KMT2E: variants seen among roughly 807,000 people sequenced by gnomAD.
KMT2E encodes the protein lysine methyltransferase 2E (inactive).
In KMT2E, 30 loss-of-function variants were observed where a neutral mutation model predicts 184.6. That is an observed-to-expected ratio of 0.16 (90% confidence interval 0.12 to 0.22). The LOEUF (loss-of-function observed/expected upper bound fraction) is 0.22. Among genes scored for constraint, KMT2E ranks in the 10% least tolerant of loss-of-function variants. KMT2E has a pLI of 1.00. For synonymous variants in KMT2E, 815 were observed against 776.5 expected, an observed-to-expected ratio of 1.05 and a Z score of -0.82; for missense variants, 2,023 against 2,237.4, an observed-to-expected ratio of 0.90 and a Z score of 1.93.
chr7:105,039,259 T>A (rs755347189), intron 2 of KMT2E: 1 of 152,202 alleles, frequency 6.6e-6, no homozygotes, highest in Non-Finnish European at 1.5e-5. Context: ...TACTGAAACA[T>A]CTCAAGTGTG....
intron 1 of KMT2E, among the ~76,000 whole-genome samples, chr7:105,017,927 G>C (rs1794786271): frequency 6.6e-6 from 1 of 152,124 alleles, no homozygotes; most frequent in Non-Finnish European, 1.5e-5. Context: ...TGGCTCGTCT[G>C]ACTTCCTCAC....
Position 105,090,062 on chromosome 7 carries a change from T to C in KMT2E, c.1412T>C (p.Leu471Pro), listed in dbSNP as rs1445043706. The change falls in exon 14 of 27, where the codon CTA becomes CCA. Residue 471 changes from leucine (L) to proline (P), a missense_variant. Leu to Pro is a moderately conservative substitution (Grantham distance 98, BLOSUM62 -3). This residue lies in a region of KMT2E where 514 missense variants were observed against 621.8 expected (regional missense o/e 0.83). Transcript: ENST00000311117. ...CLKENPECPVLKRSSESMENI... is the reference protein window; with the variant it reads ...CLKENPECPVPKRSSESMENI... ...AAAGAAAACCCAGAGTGCCCTGTTC[T>C]AAAACGTAGTTCTGAATCCATGGAA... 6.2e-7 allele frequency: 1 copy of C among 1,613,786 alleles called. No homozygotes were observed. Among genetic ancestry groups the C allele is most frequent in the East Asian group, 2.2e-5 (1 of 44,828 alleles).
chr7:105,054,979 A>T (rs2129566532), intron 3 of KMT2E, among the ~76,000 whole-genome samples: 1 of 152,278 alleles, frequency 6.6e-6, no homozygotes, highest in Admixed American at 6.5e-5. Context: ...CCTATTTGTG[A>T]GTGAGGATGA....
At chr7:105,015,320 G>A (rs752349979) in intron 1 of KMT2E, among the ~76,000 whole-genome samples, 1 of 152,088 alleles carries the variant, frequency 6.6e-6, no homozygotes, top group Non-Finnish European at 1.5e-5. Context: ...AACGGGGTGG[G>A]GGTGAGAAAA....
chr7:105,029,490 A>G (rs1007141337), intron 1 of KMT2E, among the ~76,000 whole-genome samples: 2 of 152,218 alleles, frequency 1.3e-5, no homozygotes, highest in African/African-American at 4.8e-5. Flanking sequence ...CTTTAGAGAC[A>G]AATTACTTAG....
chr7:105,094,121 TA>T (rs1798313497), intron 15 of KMT2E, among the ~76,000 whole-genome samples: 1 of 152,260 alleles, frequency 6.6e-6, no homozygotes, highest in Admixed American at 6.5e-5. Flanking sequence ...CTAGGATTCC[TA>T]AGCAATTAGT....
At chr7:105,066,856 T>C (rs1373311249) in intron 6 of KMT2E, 49 bp downstream of exon 6, 3 of 1,237,310 alleles carry the variant, frequency 2.4e-6, no homozygotes, top group African/African-American at 3.0e-5. Context: ...ACTGAGGTAA[T>C]ACTAGTTAAC....
At chr7:105,026,657 A>G (rs1353698424) in intron 1 of KMT2E, among the ~76,000 whole-genome samples, 2 of 152,208 alleles carry the variant, frequency 1.3e-5, no homozygotes, top group Non-Finnish European at 2.9e-5. Flanking sequence ...CTATACAGTA[A>G]TCTGTCAACC....
chr7:105,061,356 A>G (rs1796806056), intron 3 of KMT2E, among the ~76,000 whole-genome samples: 1 of 152,242 alleles, frequency 6.6e-6, no homozygotes, highest in Non-Finnish European at 1.5e-5. Context: ...GTTTTGTAAA[A>G]TAAAGGCACA....
At position 105,113,265 on chromosome 7, in the gene KMT2E, A is replaced by AT; in HGVS notation, c.5511dup (p.Pro1838SerfsTer31). 6.2e-7 allele frequency: 1 copy of AT among 1,614,208 alleles called. No homozygotes were observed. Among genetic ancestry groups the AT allele is most frequent in the Admixed American group, 1.7e-5 (1 of 60,036 alleles). On this transcript the variant is annotated frameshift_variant, in exon 27 of 27. Transcript: ENST00000311117. LOFTEE classifies it high-confidence loss of function. The stretch of plus-strand genomic sequence containing the variant: ...GCAGGCATCTCCAGTGCCTGGACAG[A>AT]TTCCAATTCACAGAGCACAGGTGCC...
intron 3 of KMT2E, among the ~76,000 whole-genome samples, chr7:105,056,036 G>T (rs183850484): frequency 4.1e-4 from 62 of 152,184 alleles, no homozygotes; most frequent in South Asian, 2.5e-3. Flanking sequence ...GGCAGAGACA[G>T]TGTCTTATCT....
chr7:105,048,192 A>G (rs191563159), intron 3 of KMT2E, among the ~76,000 whole-genome samples: 22 of 152,186 alleles, frequency 1.4e-4, no homozygotes, highest in Admixed American at 1.2e-3. Context: ...ACACACCACC[A>G]CACTTGGCTA....
intron 1 of KMT2E, among the ~76,000 whole-genome samples, chr7:105,037,349 C>G (rs1055336855): frequency 1.3e-5 from 2 of 151,456 alleles, no homozygotes; most frequent in Admixed American, 6.6e-5. Context: ...TAAAGTGTTA[C>G]TTTTTGTTTT....
chr7:105,073,766 T>C, intron 7 of KMT2E, 89 bp downstream of exon 7: 2 of 784,248 alleles, frequency 2.6e-6, no homozygotes, highest in South Asian at 3.2e-5. Context: ...GTAAATATTT[T>C]TAGTTAAATG....
intron 1 of KMT2E, among the ~76,000 whole-genome samples, chr7:105,015,579 C>CT (rs1794682622): frequency 1.3e-5 from 2 of 152,084 alleles, no homozygotes; most frequent in South Asian, 4.1e-4. Flanking sequence ...ACATGAATAC[C>CT]TATTTGGAAA....
intron 15 of KMT2E, among the ~76,000 whole-genome samples, chr7:105,095,346 T>C (rs574291317): frequency 6.6e-6 from 1 of 152,316 alleles, no homozygotes; most frequent in African/African-American, 2.4e-5. Context: ...ACAGGTTAGC[T>C]TATGACAAAG....
chr7:105,023,980 G>T (rs189453817), intron 1 of KMT2E, among the ~76,000 whole-genome samples: 51 of 152,086 alleles, frequency 3.4e-4, no homozygotes, highest in African/African-American at 1.2e-3. Flanking sequence ...GACAAGTAAA[G>T]GAAAAGAAAC....
intron 13 of KMT2E, among the ~76,000 whole-genome samples, chr7:105,083,389 G>C (rs1160631807): frequency 6.6e-6 from 1 of 152,110 alleles, no homozygotes; most frequent in Non-Finnish European, 1.5e-5. Context: ...ATAGGGTTCT[G>C]GGTGGCCAGG....
rs1294673142 is a variant in KMT2E at position 105,113,991 on chromosome 7, CTTTAA to C, written c.*662_*666del. 6.5e-6 allele frequency: 1 copy of C among 152,686 alleles called. No individual in the cohort carries two copies. Among genetic ancestry groups the C allele is most frequent in the Non-Finnish European group, 1.5e-5 (1 of 68,122 alleles). 9.5% of individuals were successfully genotyped at this position (152,686 alleles called of 1,614,324 possible). ...TTGTGAAAGTAGTACAGTATATGACCTTTAATTTCTTTTTTATTTTAAATATACTG... is the reference window on the plus strand; with the variant it reads ...TTGTGAAAGTAGTACAGTATATGACCTTTCTTTTTTATTTTAAATATACTG... On this transcript the variant is annotated 3_prime_UTR_variant, in exon 27 of 27. Coordinates refer to ENST00000311117, the MANE Select transcript of KMT2E (RefSeq NM_182931.3).
Sources: allele counts gnomAD v4.1 joint callset (sites outside exome capture counted in the v4.1 genomes callset), GRCh38; gene constraint gnomAD v4.1.1; regional missense constraint gnomAD v4.1.1; transcripts MANE v1.5; gene names NCBI Gene and HGNC (gene_info 2026-07-23, HGNC 2026-07-21).